Variants in IGSF11 observed in about 807,000 individuals in gnomAD.
IGSF11 encodes CXADR like 1.
A neutral mutation model predicts 41.0 loss-of-function variants in IGSF11; 22 were observed. That is an observed-to-expected ratio of 0.54 (90% CI 0.38 to 0.77). IGSF11 has a LOEUF of 0.77. IGSF11 is among the 30% of genes least tolerant of loss of function. The pLI is 0.00. For missense variants in IGSF11, 444 were observed against 530.8 expected (o/e 0.84, Z 1.61); for synonymous variants, 219 against 201.3 (o/e 1.09, Z -0.74).
chr3:119,096,514 C>T (rs982188036), intron 1 of IGSF11, among the ~76,000 whole-genome samples: 2 of 152,120 alleles, frequency 1.3e-5, no homozygotes, highest in African/African-American at 4.8e-5. Flanking sequence ...AACTGAACTA[C>T]ACTACTTCAT....
chr3:118,926,637 A>C (rs1174739775), intron 3 of IGSF11, among the ~76,000 whole-genome samples: 1 of 152,228 alleles, frequency 6.6e-6, no homozygotes, highest in African/African-American at 2.4e-5. Context: ...TTTCAGGGAA[A>C]AACAACCATT....
chr3:118,949,324 GAAA>G (rs61410871), intron 1 of IGSF11: 3 of 111,616 alleles, frequency 2.7e-5, no homozygotes, highest in Non-Finnish European at 3.7e-5. Flanking sequence ...GCCACCTGAG[GAAA>G]AAAAAAAAAA....
intron 1 of IGSF11, among the ~76,000 whole-genome samples, chr3:118,980,602 G>A (rs1357046130): frequency 6.6e-6 from 1 of 152,168 alleles, no homozygotes; most frequent in African/African-American, 2.4e-5. Context: ...GAATATGTTC[G>A]AATGTTTGAT....
Position 118,952,132 on chromosome 3 carries a change from A to T in IGSF11, c.53-21857T>A, listed in dbSNP as rs569027110. ...GTAGCATTATATAAAAACAGTACAT[A>T]TCTTAAAGTAAAAAACACTTCATGG... On this transcript the variant is annotated intron_variant, in intron 1 of 6. Transcript: ENST00000393775. Among the ~76,000 whole-genome samples the T allele has an allele frequency of 7.7e-4, 118 of 152,270 alleles. 1 individual carries two copies. The highest frequency in any genetic ancestry group is 2.8e-3 in the African/African-American group (115 of 41,568).
chr3:118,962,810 G>A (rs964102125), intron 1 of IGSF11, among the ~76,000 whole-genome samples: 5 of 151,928 alleles, frequency 3.3e-5, no homozygotes, highest in Non-Finnish European at 5.9e-5. Context: ...GAATAAGAAG[G>A]AATAACTGGA....
chr3:119,095,332 G>T (rs576287368), intron 1 of IGSF11, among the ~76,000 whole-genome samples: 2 of 152,082 alleles, frequency 1.3e-5, no homozygotes, highest in African/African-American at 2.4e-5. Context: ...ACATACAAGG[G>T]TCAGAATTAA....
At chr3:119,065,173 T>C (rs994081584) in intron 1 of IGSF11, among the ~76,000 whole-genome samples, 8 of 152,192 alleles carry the variant, frequency 5.3e-5, no homozygotes, top group African/African-American at 1.9e-4. Context: ...TTAAAAGCAT[T>C]CCATTTTATT....
At chr3:119,094,917 C>A (rs2076825446) in intron 1 of IGSF11, among the ~76,000 whole-genome samples, 1 of 152,030 alleles carries the variant, frequency 6.6e-6, no homozygotes, top group Non-Finnish European at 1.5e-5. Flanking sequence ...GATGATCCAG[C>A]CGCCTCGGCC....
intron 1 of IGSF11, among the ~76,000 whole-genome samples, chr3:119,137,542 T>C (rs561230054): frequency 6.6e-6 from 1 of 152,320 alleles, no homozygotes; most frequent in East Asian, 1.9e-4. Context: ...ACTGGACTCC[T>C]ATCTCTCACC....
intron 1 of IGSF11, among the ~76,000 whole-genome samples, chr3:118,953,878 T>C (rs1944767135): frequency 6.6e-6 from 1 of 152,212 alleles, no homozygotes; most frequent in African/African-American, 2.4e-5. Flanking sequence ...GATGGTTTCT[T>C]TTGCTGTGCA....
At chr3:119,094,557 G>C (rs2076818419) in intron 1 of IGSF11, among the ~76,000 whole-genome samples, 1 of 151,876 alleles carries the variant, frequency 6.6e-6, no homozygotes, top group Non-Finnish European at 1.5e-5. Flanking sequence ...GGAACAAAGA[G>C]AGAAACTGCT....
At chr3:119,087,403 TAC>T (rs1349971935) in intron 1 of IGSF11, among the ~76,000 whole-genome samples, 47 of 113,610 alleles carry the variant, frequency 4.1e-4, no homozygotes, top group Middle Eastern at 4.6e-3. Flanking sequence ...CACACACACA[TAC>T]ACACACACAC....
At chr3:119,062,537 CAT>C (rs1942086685) in intron 1 of IGSF11, among the ~76,000 whole-genome samples, 1 of 152,168 alleles carries the variant, frequency 6.6e-6, no homozygotes, top group Admixed American at 6.5e-5. Context: ...ATGCAAAATA[CAT>C]AGTCATATTA....
At chr3:119,104,979 G>C (rs1280828069) in intron 1 of IGSF11, among the ~76,000 whole-genome samples, 1 of 151,776 alleles carries the variant, frequency 6.6e-6, no homozygotes, top group African/African-American at 2.4e-5. Context: ...AATATTTTTT[G>C]AAAGAAAAAA....
At chr3:119,083,983 C>A (rs1453110876) in intron 1 of IGSF11, among the ~76,000 whole-genome samples, 3 of 152,176 alleles carry the variant, frequency 2.0e-5, no homozygotes, top group Non-Finnish European at 2.9e-5. Flanking sequence ...CAAGGACCTT[C>A]CAGTGAGACA....
At chr3:119,079,275 C>T (rs1301688814) in intron 1 of IGSF11, among the ~76,000 whole-genome samples, 1 of 151,964 alleles carries the variant, frequency 6.6e-6, no homozygotes, top group African/African-American at 2.4e-5. Flanking sequence ...AGGAGAATCA[C>T]TTGAACCCCA....
At chr3:118,957,608 G>A (rs1209977262) in intron 1 of IGSF11, among the ~76,000 whole-genome samples, 1 of 152,136 alleles carries the variant, frequency 6.6e-6, no homozygotes, top group Non-Finnish European at 1.5e-5. Context: ...CATCACACTC[G>A]CCATTCCTTG....
intron 1 of IGSF11, among the ~76,000 whole-genome samples, chr3:119,104,323 T>C (rs989767058): frequency 2.0e-5 from 3 of 152,184 alleles, no homozygotes; most frequent in Non-Finnish European, 4.4e-5. Context: ...TCACACTCAA[T>C]ATTACAACAT....
intron 4 of IGSF11, among the ~76,000 whole-genome samples, chr3:118,914,057 T>G (rs1341219999): frequency 1.3e-5 from 2 of 150,652 alleles, no homozygotes; most frequent in Non-Finnish European, 3.0e-5. Context: ...GAGAGTAGAG[T>G]TTTTTTTTAC....
Sources: gnomAD v4.1 joint callset for allele counts (sites outside exome capture counted in the v4.1 genomes callset) on GRCh38, gnomAD v4.1.1 for gene constraint, MANE v1.5 for transcripts, NCBI Gene and HGNC (gene_info 2026-07-23, HGNC 2026-07-21) for gene names.